PDZRN3: variants seen among roughly 807,000 people sequenced by gnomAD.
PDZRN3 encodes E3 ubiquitin-protein ligase PDZRN3.
In PDZRN3, 38 loss-of-function variants were observed where a neutral mutation model predicts 85.7. The observed-to-expected ratio is 0.44, with a 90% CI of 0.34 to 0.58. The LOEUF is 0.58. Among genes scored for constraint, PDZRN3 ranks in the 20% least tolerant of loss-of-function variants. The pLI, the probability that PDZRN3 is intolerant of heterozygous loss-of-function variation, is 0.01. For missense variants in PDZRN3, 1,629 were observed against 1,506.4 expected (o/e 1.08, Z -1.35); for synonymous variants, 759 against 638.0 (o/e 1.19, Z -2.86).
At chr3:73,519,608 T>C (rs1323303108) in intron 3 of PDZRN3, among the ~76,000 whole-genome samples, 1 of 152,142 alleles carries the variant, frequency 6.6e-6, no homozygotes, top group Non-Finnish European at 1.5e-5. Flanking sequence ...TTTTGCAAAA[T>C]TGGGTTAGGC....
intron 3 of PDZRN3, among the ~76,000 whole-genome samples, chr3:73,533,500 CAT>C (rs993896587): frequency 7.9e-5 from 12 of 151,926 alleles, no homozygotes; most frequent in African/African-American, 2.7e-4. Flanking sequence ...TAATTGAAAA[CAT>C]ATCTATCCAT....
intron 3 of PDZRN3, among the ~76,000 whole-genome samples, chr3:73,601,375 G>T (rs757377426): frequency 3.4e-4 from 51 of 152,162 alleles, no homozygotes; most frequent in Non-Finnish European, 6.9e-4. Context: ...AAAAATGCAT[G>T]TGGAAAACAA....
Position 73,383,371 on chromosome 3 carries a change from A to G in PDZRN3, c.3195T>C (p.Thr1065=), listed in dbSNP as rs1172150807. The part of the protein sequence containing the change: ...RVYNSFLSVT[T]V Reference sequence around the variant, plus strand: ...CATAATGCAGAAGTGAAAATTATACAGTAGTCACCGATAGGAAGGAATTGT... The same window carrying G: ...CATAATGCAGAAGTGAAAATTATACGGTAGTCACCGATAGGAAGGAATTGT... The change falls in exon 10 of 10, where the codon ACT becomes ACC. Residue 1065 remains threonine (T), a synonymous_variant. Coordinates refer to ENST00000263666, the MANE Select transcript of PDZRN3 (RefSeq NM_015009.3). The G allele has an allele frequency of 1.2e-6, 2 of 1,604,012 alleles. No homozygotes were observed. Among genetic ancestry groups the G allele is most frequent in the Non-Finnish European group, 1.7e-6 (2 of 1,175,096 alleles).
chr3:73,417,621 T>TTGAC (rs1702118511), intron 3 of PDZRN3, among the ~76,000 whole-genome samples: 1 of 152,218 alleles, frequency 6.6e-6, no homozygotes, highest in Admixed American at 6.5e-5. Context: ...TTCTGCTGTG[T>TTGAC]TGACTAAGTT....
intron 3 of PDZRN3, among the ~76,000 whole-genome samples, chr3:73,578,938 C>T (rs949703813): frequency 4.6e-5 from 7 of 152,180 alleles, no homozygotes; most frequent in Non-Finnish European, 1.0e-4. Flanking sequence ...GGTCCCTACT[C>T]CCTAGACTTT....
chr3:73,398,028 T>A (rs1559655962), intron 5 of PDZRN3, among the ~76,000 whole-genome samples: 1 of 152,156 alleles, frequency 6.6e-6, no homozygotes, highest in East Asian at 1.9e-4. Flanking sequence ...AACAGTATAT[T>A]TAATGTAAGA....
At chr3:73,452,563 A>G (rs1198513113) in intron 3 of PDZRN3, among the ~76,000 whole-genome samples, 1 of 152,236 alleles carries the variant, frequency 6.6e-6, no homozygotes, top group Non-Finnish European at 1.5e-5. Context: ...TGGCCAAGTC[A>G]GTCCTGGCTG....
Position 73,383,684 on chromosome 3 carries a change from T to C in PDZRN3, c.2882A>G (p.Asp961Gly), listed in dbSNP as rs746816886. The C allele has an allele frequency of 1.6e-5, 25 of 1,611,842 alleles. No homozygotes were observed. The highest frequency in any genetic ancestry group is 2.1e-5 in the Non-Finnish European group (25 of 1,180,024). ...REERSGMTTD[D>G]DAVSEMKMGR... is the part of the protein sequence containing the mutation. ...CATCTTCATCTCGCTCACCGCGTCGTCGTCGGTGGTCATGCCGCTGCGCTC... is the reference window on the plus strand; with the variant it reads ...CATCTTCATCTCGCTCACCGCGTCGCCGTCGGTGGTCATGCCGCTGCGCTC... The change falls in exon 10 of 10, where the codon GAC becomes GGC. Residue 961 changes from aspartate to glycine, a missense_variant. Coordinates refer to ENST00000263666, the MANE Select transcript of PDZRN3 (RefSeq NM_015009.3).
chr3:73,536,749 G>T (rs1704797593), intron 3 of PDZRN3, among the ~76,000 whole-genome samples: 1 of 151,872 alleles, frequency 6.6e-6, no homozygotes, highest in African/African-American at 2.4e-5. Flanking sequence ...AGGGAAAGAG[G>T]TTTTCCACAT....
chr3:73,403,064 C>G (rs934765606), intron 4 of PDZRN3, among the ~76,000 whole-genome samples: 6 of 152,008 alleles, frequency 3.9e-5, no homozygotes, highest in African/African-American at 1.5e-4. Context: ...CTGCCTCAGC[C>G]TCCCGAGTAG....
intron 3 of PDZRN3, among the ~76,000 whole-genome samples, chr3:73,417,112 C>T (rs921929025): frequency 2.6e-5 from 4 of 151,956 alleles, no homozygotes; most frequent in African/African-American, 7.3e-5. Flanking sequence ...GAACTCCTGC[C>T]ATGGCCTCCC....
rs1335511126 is a variant in PDZRN3 at position 73,383,716 on chromosome 3, G to C, written c.2850C>G (p.Ile950Met). The stretch of plus-strand genomic sequence containing the variant: ...TGGTCATGCCGCTGCGCTCTTCCCG[G>C]ATCTTCAGGGCGCGCTCCCGCAGCA... Reference protein sequence around the residue: ...DRLLRERALKIREERSGMTTD... With the variant: ...DRLLRERALKMREERSGMTTD... Residue 950 changes from isoleucine (I) to methionine (M), a missense_variant, in exon 10 of 10, where the codon ATC becomes ATG. Physicochemically the swap from Ile to Met is conservative, Grantham distance 10 (BLOSUM62 1). Coordinates refer to ENST00000263666, the MANE Select transcript of PDZRN3 (RefSeq NM_015009.3). 8.7e-6 allele frequency: 14 copies of C among 1,611,578 alleles called. No homozygotes were observed. The highest frequency in any genetic ancestry group is 1.1e-5 in the Non-Finnish European group (13 of 1,180,002).
At chr3:73,406,481 G>C (rs1045846115) in intron 3 of PDZRN3, among the ~76,000 whole-genome samples, 3 of 152,308 alleles carry the variant, frequency 2.0e-5, no homozygotes, top group Admixed American at 2.0e-4. Flanking sequence ...AATTTACAAT[G>C]CTACAGCAAA....
At chr3:73,435,440 C>G (rs1383134819) in intron 3 of PDZRN3, among the ~76,000 whole-genome samples, 1 of 152,218 alleles carries the variant, frequency 6.6e-6, no homozygotes, top group African/African-American at 2.4e-5. Flanking sequence ...GCCCTATTAA[C>G]CCATGAGTAC....
intron 3 of PDZRN3, among the ~76,000 whole-genome samples, chr3:73,441,411 C>CAA (rs10656791): frequency 0.49 from 33,198 of 68,202 alleles, 6,733 homozygotes; most frequent in South Asian, 0.7. Context: ...GACTCTGTCC[C>CAA]AAAAAAAAAA....
At chr3:73,534,531 C>T (rs1322733550) in intron 3 of PDZRN3, among the ~76,000 whole-genome samples, 1 of 152,106 alleles carries the variant, frequency 6.6e-6, no homozygotes, top group East Asian at 1.9e-4. Flanking sequence ...CCAGTAGTTT[C>T]CTGGAATGAA....
At chr3:73,618,726 C>T (rs2106917436) in intron 1 of PDZRN3, among the ~76,000 whole-genome samples, 1 of 152,370 alleles carries the variant, frequency 6.6e-6, no homozygotes, top group Middle Eastern at 3.4e-3. Flanking sequence ...ACAGACAAAT[C>T]TCAACAGAAT....
intron 1 of PDZRN3, among the ~76,000 whole-genome samples, chr3:73,610,036 A>C (rs1559757037): frequency 6.6e-6 from 1 of 152,200 alleles, no homozygotes; most frequent in Non-Finnish European, 1.5e-5. Context: ...AGTCTTAATA[A>C]CCACAACCCC....
At chr3:73,561,357 G>C (rs1701810657) in intron 3 of PDZRN3, 1 of 152,142 alleles carries the variant, frequency 6.6e-6, no homozygotes, top group Non-Finnish European at 1.5e-5. Flanking sequence ...GCTGTGACCA[G>C]GGCAAGCTGC....
Sources: gnomAD v4.1 joint callset for allele counts (sites outside exome capture counted in the v4.1 genomes callset) on GRCh38, gnomAD v4.1.1 for gene constraint, MANE v1.5 for transcripts, NCBI Gene and HGNC (gene_info 2026-07-23, HGNC 2026-07-21) for gene names.